LINGO1: variants seen among roughly 807,000 people sequenced by gnomAD.
The protein encoded by LINGO1 is leucine rich repeat and Ig domain containing 1.
A neutral mutation model predicts 37.3 loss-of-function variants in LINGO1; 11 were observed. That is an observed-to-expected ratio of 0.29 (90% CI 0.19 to 0.49). The LOEUF (loss-of-function observed/expected upper bound fraction) is 0.49. Among genes scored for constraint, LINGO1 ranks in the 20% least tolerant of loss-of-function variants. LINGO1 has a pLI of 0.99. For missense variants in LINGO1, 585 were observed against 878.2 expected (o/e 0.67, Z 4.22); for synonymous variants, 387 against 403.0 (o/e 0.96, Z 0.48).
chr15:77,714,478 CCT>C (rs1228261345), intron 2 of LINGO1, among the ~76,000 whole-genome samples: 1 of 152,158 alleles, frequency 6.6e-6, no homozygotes, highest in Non-Finnish European at 1.5e-5. Flanking sequence ...CCTCTCTCCC[CCT>C]GCCACTGCCC....
chr15:77,664,168 T>TGTGTGCGCGCGCGC (rs1555527586), intron 3 of LINGO1, among the ~76,000 whole-genome samples: 1 of 120,262 alleles, frequency 8.3e-6, no homozygotes, highest in African/African-American at 4.4e-5. Flanking sequence ...TGTGTGTGTG[T>TGTGTGCGCGCGCGC]GTGCGCGCGC....
At chr15:77,742,435 TG>T (rs1309786074) in intron 1 of LINGO1, among the ~76,000 whole-genome samples, 2 of 152,194 alleles carry the variant, frequency 1.3e-5, no homozygotes, top group African/African-American at 4.8e-5. Flanking sequence ...TTCACTGAGC[TG>T]GGCACCAGTA....
At chr15:77,803,055 G>A (rs565596324) in intron 1 of LINGO1, among the ~76,000 whole-genome samples, 1 of 152,218 alleles carries the variant, frequency 6.6e-6, no homozygotes, top group African/African-American at 2.4e-5. Context: ...TCCCCCTGGG[G>A]GATGCCTGTC....
At chr15:77,700,053 T>C (rs1026153052), upstream of LINGO1, among the ~76,000 whole-genome samples, 1 of 152,120 alleles carries the variant, frequency 6.6e-6, no homozygotes, top group Non-Finnish European at 1.5e-5. Context: ...CCACACACGT[T>C]AGCATTCTCA....
At chr15:77,731,582 C>T (rs1489066302) in intron 2 of LINGO1, among the ~76,000 whole-genome samples, 2 of 152,170 alleles carry the variant, frequency 1.3e-5, no homozygotes, top group Non-Finnish European at 2.9e-5. Context: ...TGAGAACCAA[C>T]GATGTTCCAT....
At chr15:77,782,457 T>C (rs2076729260) in intron 1 of LINGO1, among the ~76,000 whole-genome samples, 1 of 152,124 alleles carries the variant, frequency 6.6e-6, no homozygotes, top group South Asian at 2.1e-4. Flanking sequence ...ATGACCCACA[T>C]ATTAGGGCAA....
upstream of LINGO1, among the ~76,000 whole-genome samples, chr15:77,635,733 C>CCCTGGTGGCGTGCCTTTTCCA (rs1567476194): frequency 6.6e-6 from 1 of 152,248 alleles, no homozygotes; most frequent in African/African-American, 2.4e-5. Flanking sequence ...TCTCCCCAGA[C>CCCTGGTGGCGTGCCTTTTCCA]TGAAATGACA....
intron 1 of LINGO1, among the ~76,000 whole-genome samples, chr15:77,810,207 A>G (rs3935842): frequency 6.6e-6 from 1 of 151,108 alleles, no homozygotes; most frequent in Non-Finnish European, 1.5e-5. Context: ...CGGGTAAGTA[A>G]CTAGGCACAC....
chr15:77,641,346 C>CGGTGCAT (rs2074501143), intron 3 of LINGO1, among the ~76,000 whole-genome samples: 1 of 152,158 alleles, frequency 6.6e-6, no homozygotes, highest in Non-Finnish European at 1.5e-5. Context: ...TGAACCATAA[C>CGGTGCAT]GGTGCATGTA....
chr15:77,675,256 T>C (rs1451248370), intron 3 of LINGO1, among the ~76,000 whole-genome samples: 2 of 152,216 alleles, frequency 1.3e-5, no homozygotes, highest in Non-Finnish European at 2.9e-5. Context: ...GGGTGCCCTC[T>C]GACTCAGGAA....
upstream of LINGO1, among the ~76,000 whole-genome samples, chr15:77,700,363 GC>G (rs2075766822): frequency 6.6e-6 from 1 of 152,238 alleles, no homozygotes; most frequent in South Asian, 2.1e-4. Flanking sequence ...AGAGGTGGCA[GC>G]TTTTCAACTG....
intron 1 of LINGO1, among the ~76,000 whole-genome samples, chr15:77,797,990 A>T (rs1378831013): frequency 1.3e-5 from 2 of 152,172 alleles, no homozygotes; most frequent in Non-Finnish European, 2.9e-5. Context: ...GGTGCTGAGC[A>T]GGCTCCAGGG....
intron 1 of LINGO1, among the ~76,000 whole-genome samples, chr15:77,747,540 C>T (rs2076326358): frequency 6.6e-6 from 1 of 152,254 alleles, no homozygotes; most frequent in African/African-American, 2.4e-5. Flanking sequence ...AGAATGCCCA[C>T]CAATTCCCAG....
intron 2 of LINGO1, among the ~76,000 whole-genome samples, chr15:77,732,146 A>G (rs1412557610): frequency 1.3e-5 from 2 of 152,204 alleles, no homozygotes; most frequent in African/African-American, 4.8e-5. Context: ...ACTGAAGCAC[A>G]GAGAAACCAT....
intron 2 of LINGO1, chr15:77,677,207 A>C (rs2075342785): frequency 6.6e-6 from 1 of 152,328 alleles, no homozygotes. Context: ...TTAGTGGGGC[A>C]AAGACAGGGC....
rs34524098 is a variant in LINGO1, at chr15:77,760,916, C to CTTT, written c.-256-25866_-256-25864dup. On this transcript the variant is annotated intron_variant, in intron 1 of 3. Coordinates refer to the LINGO1 transcript ENST00000561686. ...TTTTGTTGTGATTGTTAATAAGTAT[C>CTTT]TTTTTTTTTTTTTTTTTTTTTTTTT... Among the ~76,000 whole-genome samples the CTTT allele has an allele frequency of 7.7e-3, 741 of 96,372 alleles. 109 individuals are homozygous for CTTT. The highest frequency in any genetic ancestry group is 0.018 in the African/African-American group (374 of 20,498). 63.2% of individuals were successfully genotyped at this position (96,372 alleles called of 152,430 possible). A position where few individuals can be genotyped will look rare whatever the true frequency, so the allele number is the denominator to read the frequency against.
chr15:77,621,614 C>A (rs1009721391), intron 1 of LINGO1, among the ~76,000 whole-genome samples: 34 of 152,254 alleles, frequency 2.2e-4, no homozygotes, highest in African/African-American at 7.2e-4. Flanking sequence ...AGGGTGAGGC[C>A]CCAGGGCTGA....
chr15:77,703,242 T>G (rs2075806880), intron 2 of LINGO1, among the ~76,000 whole-genome samples: 1 of 152,134 alleles, frequency 6.6e-6, no homozygotes, highest in African/African-American at 2.4e-5. Flanking sequence ...CCCCATGAAA[T>G]TTTCCAAATG....
intron 1 of LINGO1, among the ~76,000 whole-genome samples, chr15:77,756,058 G>T (rs567237159): frequency 1.7e-4 from 26 of 151,856 alleles, no homozygotes; most frequent in African/African-American, 6.1e-4. Flanking sequence ...GCAGGGTGTT[G>T]AGGCCAGGCT....
Sources: gnomAD v4.1 joint callset for allele counts (sites outside exome capture counted in the v4.1 genomes callset) on GRCh38, gnomAD v4.1.1 for gene constraint, MANE v1.5 for transcripts, NCBI Gene and HGNC (gene_info 2026-07-23, HGNC 2026-07-21) for gene names.